The following PDE4DIP variants were observed in gnomAD, a reference collection of about 807,000 sequenced individuals.
The protein encoded by PDE4DIP is phosphodiesterase 4D interacting protein.
PDE4DIP carries 59 observed loss-of-function variants against 221.4 expected under a neutral mutation model. The observed-to-expected ratio is 0.27, with a 90% confidence interval of 0.22 to 0.33. The LOEUF (loss-of-function observed/expected upper bound fraction) is 0.33, where lower values mean the gene tolerates loss of function less well. Ranked by LOEUF, PDE4DIP falls within the 10% of genes least tolerant of loss-of-function variation. The pLI is 1.00. For missense variants in PDE4DIP, 1,036 were observed against 2,154.2 expected, an observed-to-expected ratio of 0.48 and a Z score of 10.28; for synonymous variants, 404 against 815.9, an observed-to-expected ratio of 0.50 and a Z score of 8.60.
intron 32 of PDE4DIP, among the ~76,000 whole-genome samples, chr1:149,015,845 C>T (rs1747952): frequency 3.9e-5 from 6 of 152,274 alleles, no homozygotes; most frequent in East Asian, 1.9e-4. Flanking sequence ...CAACGTGGAA[C>T]GGACATATTG....
At chr1:148,952,179 G>C in intron 5 of PDE4DIP, 1 of 1,037,282 alleles carries the variant, frequency 9.6e-7, no homozygotes, top group Non-Finnish European at 1.2e-6. Flanking sequence ...GATGAAAGCG[G>C]CTGGCTGTGG....
intron 5 of PDE4DIP, among the ~76,000 whole-genome samples, chr1:148,957,554 TTTTG>T (rs1273358660): frequency 5.3e-5 from 8 of 151,974 alleles, no homozygotes; most frequent in Admixed American, 3.9e-4. Context: ...AAAGGCTCGT[TTTTG>T]TTTGTTTTTA....
intron 1 of PDE4DIP, among the ~76,000 whole-genome samples, chr1:148,927,728 T>C (rs1446904326): frequency 2.0e-5 from 3 of 151,858 alleles, no homozygotes; most frequent in African/African-American, 7.2e-5. Flanking sequence ...ACATTCTTCT[T>C]GCCTAATACT....
At chr1:148,822,123 G>GA (rs1669433868) in intron 1 of PDE4DIP, among the ~76,000 whole-genome samples, 2 of 128,746 alleles carry the variant, frequency 1.6e-5, no homozygotes, top group African/African-American at 6.2e-5. Flanking sequence ...GTGGGAGTTA[G>GA]ATGGTGGGAC....
intron 31 of PDE4DIP, among the ~76,000 whole-genome samples, 160 bp downstream of exon 34, chr1:149,010,755 A>T (rs1229913708): frequency 1.3e-5 from 2 of 151,910 alleles, no homozygotes; most frequent in Non-Finnish European, 2.9e-5. Flanking sequence ...TGTCTGATTT[A>T]AGAAAATATT....
At chr1:148,927,335 C>T (rs2046943826) in intron 1 of PDE4DIP, among the ~76,000 whole-genome samples, 1 of 152,000 alleles carries the variant, frequency 6.6e-6, no homozygotes, top group Non-Finnish European at 1.5e-5. Context: ...ACATTCTTCT[C>T]AGTATGTCAC....
exon 13 of PDE4DIP, chr1:148,967,850 A>G (rs781829318): frequency 8.9e-7 from 1 of 1,124,548 alleles, no homozygotes; most frequent in Non-Finnish European, 1.4e-6. Context: ...AAGGAACAAG[A>G]GAGTATCATT....
intron 23 of PDE4DIP, among the ~76,000 whole-genome samples, chr1:149,001,146 T>A (rs2065566757): frequency 6.6e-6 from 1 of 152,300 alleles, no homozygotes; most frequent in African/African-American, 2.4e-5. Flanking sequence ...GTGTTATTTA[T>A]TTATTCTGTG....
chr1:148,987,919 A>T (rs1196042299), intron 21 of PDE4DIP, among the ~76,000 whole-genome samples: 1 of 152,148 alleles, frequency 6.6e-6, no homozygotes, highest in Non-Finnish European at 1.5e-5. Context: ...AATAAAACAA[A>T]AAAAGAGGTC....
chr1:148,998,469 A>G, intron 23 of PDE4DIP, 94 bp downstream of exon 26: 1 of 591,464 alleles, frequency 1.7e-6, no homozygotes, highest in East Asian at 2.7e-5. Flanking sequence ...TAATATTTCT[A>G]CAAATTCTTT....
At chr1:149,029,173 G>A (rs587652783) in intron 41 of PDE4DIP, among the ~76,000 whole-genome samples, 80 of 152,230 alleles carry the variant, frequency 5.3e-4, no homozygotes, top group Middle Eastern at 3.4e-3. Context: ...TGGCATCGCT[G>A]GACCAGGCCT....
chr1:149,006,998 G>A (rs1365200526), intron 27 of PDE4DIP, among the ~76,000 whole-genome samples: 1 of 143,450 alleles, frequency 7.0e-6, no homozygotes, highest in Non-Finnish European at 1.5e-5. Flanking sequence ...TACCACGCCC[G>A]GCCCGTACTA....
intron 37 of PDE4DIP, 136 bp from the exon 41 acceptor site, chr1:149,024,309 A>T: frequency 1.2e-6 from 1 of 801,774 alleles, no homozygotes; most frequent in Non-Finnish European, 2.0e-6. Flanking sequence ...AGAAATGGTG[A>T]CATCTCCATC....
intron 37 of PDE4DIP, among the ~76,000 whole-genome samples, chr1:149,022,591 A>T (rs1294956803): frequency 6.6e-6 from 1 of 152,252 alleles, no homozygotes; most frequent in African/African-American, 2.4e-5. Context: ...ATTTAAGTAC[A>T]CAGTCATGGT....
intron 37 of PDE4DIP, among the ~76,000 whole-genome samples, chr1:149,022,099 T>A (rs1319941052): frequency 8.7e-5 from 13 of 149,418 alleles, no homozygotes; most frequent in African/African-American, 2.5e-4. Flanking sequence ...ACATGAGGGT[T>A]TGGGGTTTGG....
chr1:148,877,263 G>A (rs1257386115), intron 3 of PDE4DIP, among the ~76,000 whole-genome samples: 2 of 149,328 alleles, frequency 1.3e-5, no homozygotes, highest in Non-Finnish European at 2.9e-5. Context: ...TTTTGAGGGA[G>A]AAAAGATGGA....
intron 5 of PDE4DIP, among the ~76,000 whole-genome samples, chr1:148,938,797 T>A (rs1573853171): frequency 6.6e-6 from 1 of 151,588 alleles, no homozygotes; most frequent in Non-Finnish European, 1.5e-5. Flanking sequence ...AAAAAAAAAT[T>A]TTTTTTTTTG....
chr1:148,963,744 C>T (rs1294564314), intron 9 of PDE4DIP, among the ~76,000 whole-genome samples: 1 of 143,830 alleles, frequency 7.0e-6, no homozygotes, highest in Non-Finnish European at 1.5e-5. Context: ...CTCTTTCTTT[C>T]CTTCTTTTTT....
intron 1 of PDE4DIP, among the ~76,000 whole-genome samples, chr1:148,912,109 G>A (rs2042886334): frequency 7.0e-6 from 1 of 143,404 alleles, no homozygotes; most frequent in Non-Finnish European, 1.5e-5. Flanking sequence ...TTTTTTTTTT[G>A]AAAGGATGGG....
Sources: gnomAD v4.1 joint callset for allele counts (sites outside exome capture counted in the v4.1 genomes callset) on GRCh38, gnomAD v4.1.1 for gene constraint, MANE v1.5 for transcripts, NCBI Gene and HGNC (gene_info 2026-07-23, HGNC 2026-07-21) for gene names.